TMEM132B: variants seen among roughly 807,000 people sequenced by gnomAD.
TMEM132B encodes transmembrane protein 132B.
TMEM132B carries 18 observed loss-of-function variants against 90.8 expected under a neutral mutation model. The observed-to-expected ratio is 0.20, with a 90% CI of 0.14 to 0.29. TMEM132B has a LOEUF of 0.29. TMEM132B is among the 10% of genes least tolerant of loss of function. TMEM132B has a pLI of 1.00. For synonymous variants in TMEM132B, 504 were observed against 523.3 expected (o/e 0.96, Z 0.50); for missense variants, 1,096 against 1,326.8 (o/e 0.83, Z 2.70).
chr12:125,249,634 G>T (rs1874274663), intron 1 of TMEM132B, among the ~76,000 whole-genome samples: 1 of 152,204 alleles, frequency 6.6e-6, no homozygotes, highest in Admixed American at 6.5e-5. Flanking sequence ...TCTGACAGGG[G>T]TTCTGCATCA....
chr12:125,376,963 G>A (rs1193290645), intron 2 of TMEM132B, among the ~76,000 whole-genome samples: 2 of 152,218 alleles, frequency 1.3e-5, no homozygotes, highest in African/African-American at 2.4e-5. Context: ...CTCCAAGCAC[G>A]CTCTGGGACC....
rs972677032 is a variant in TMEM132B, at chr12:125,655,515, T to C, written c.*805T>C. 1 of 152,244 alleles carries C rather than the reference T, an allele frequency of 6.6e-6. No homozygotes were observed. Among genetic ancestry groups the C allele is most frequent in the African/African-American group, 2.4e-5 (1 of 41,472 alleles). 9.4% of individuals were successfully genotyped at this position (152,244 alleles called of 1,614,324 possible). ...ATATACAGTGAGGGAGGGCCATCTC[T>C]TTACTGTTTTCTATGTGAAGTTTCA... On this transcript the variant is annotated 3_prime_UTR_variant, in exon 9 of 9. Coordinates refer to ENST00000682704, the MANE Select transcript of TMEM132B (RefSeq NM_001366854.1).
intron 3 of TMEM132B, among the ~76,000 whole-genome samples, chr12:125,494,977 C>A (rs1882507302): frequency 7.6e-6 from 1 of 130,774 alleles, no homozygotes; most frequent in African/African-American, 3.0e-5. Context: ...TCCTCCCCCT[C>A]CTCCCTGGAA....
intron 3 of TMEM132B, among the ~76,000 whole-genome samples, chr12:125,493,319 G>T (rs1381442377): frequency 6.6e-6 from 1 of 152,162 alleles, no homozygotes; most frequent in Non-Finnish European, 1.5e-5. Context: ...GCCCCCTTCT[G>T]CCCTCCAGAA....
chr12:125,337,308 C>A lies in TMEM132B; in HGVS notation c.68-12144C>A, dbSNP rs539570488. On this transcript the variant is annotated intron_variant, in intron 1 of 8. Transcript: ENST00000682704. The stretch of plus-strand genomic sequence containing the variant: ...AAATAAACTCCTAGGCGTGGCTTAA[C>A]ACAATAAAAGATTGCTTCCTGCTCA... Among the ~76,000 whole-genome samples the A allele has an allele frequency of 3.9e-5, 6 of 152,220 alleles. No homozygotes were observed. In the East Asian group the frequency reaches 1.2e-3, roughly 29 times the overall value.
intron 3 of TMEM132B, among the ~76,000 whole-genome samples, chr12:125,423,240 A>G (rs2136381058): frequency 6.6e-6 from 1 of 152,368 alleles, no homozygotes; most frequent in African/African-American, 2.4e-5. Flanking sequence ...TTTGAAAGCA[A>G]TGGATTTGAG....
chr12:125,345,247 T>C, intron 1 of TMEM132B, among the ~76,000 whole-genome samples: 1 of 152,170 alleles, frequency 6.6e-6, no homozygotes, highest in East Asian at 1.9e-4. Context: ...CTCAGAAATG[T>C]TGTGGGCCTG....
chr12:125,453,843 G>T (rs1881219648), intron 3 of TMEM132B, among the ~76,000 whole-genome samples: 1 of 152,154 alleles, frequency 6.6e-6, no homozygotes, highest in Non-Finnish European at 1.5e-5. Context: ...CATGCAGGAT[G>T]CTCAGCCTGG....
Position 125,656,414 on chromosome 12 carries a change from C to T in TMEM132B, c.*1704C>T, listed in dbSNP as rs915160974. On this transcript the variant is annotated 3_prime_UTR_variant, in exon 9 of 9. Coordinates refer to ENST00000682704, the MANE Select transcript of TMEM132B (RefSeq NM_001366854.1). ...GGGTGGGAACATGACAACCCCGCCT[C>T]CTCTAGCCATGACGTGGCAGCCAAA... 6.6e-6 allele frequency: 1 copy of T among 152,216 alleles called. No individual in the cohort carries two copies. 9.4% of individuals were successfully genotyped at this position (152,216 alleles called of 1,614,324 possible). A position where few individuals can be genotyped will look rare whatever the true frequency, so the allele number is the denominator to read the frequency against.
chr12:125,202,314 A>G (rs572308435), intron 1 of TMEM132B, among the ~76,000 whole-genome samples: 1 of 152,364 alleles, frequency 6.6e-6, no homozygotes, highest in East Asian at 1.9e-4. Context: ...AAAGCAGCAC[A>G]CATGTGTTAT....
intron 4 of TMEM132B, 106 bp downstream of exon 4, chr12:125,519,731 C>T (rs531557162): frequency 1.7e-6 from 2 of 1,174,324 alleles, no homozygotes; most frequent in South Asian, 1.4e-5. Context: ...ACTGTTTAAA[C>T]AAGGAAAATA....
chr12:125,327,016 C>T (rs1461527939), intron 1 of TMEM132B, among the ~76,000 whole-genome samples: 1 of 152,088 alleles, frequency 6.6e-6, no homozygotes, highest in Non-Finnish European at 1.5e-5. Flanking sequence ...CTGGATGCCC[C>T]CTGAGCCTTC....
intron 6 of TMEM132B, among the ~76,000 whole-genome samples, chr12:125,644,498 C>CA (rs1886711558): frequency 6.6e-6 from 1 of 152,156 alleles, no homozygotes; most frequent in East Asian, 1.9e-4. Flanking sequence ...ATAATAGTAA[C>CA]AACCTCATAG....
intron 4 of TMEM132B, among the ~76,000 whole-genome samples, chr12:125,522,903 C>T (rs922702487): frequency 1.3e-5 from 2 of 152,132 alleles, no homozygotes; most frequent in African/African-American, 4.8e-5. Context: ...TCTATTTTCA[C>T]AGAGCAGGTA....
intron 2 of TMEM132B, among the ~76,000 whole-genome samples, chr12:125,409,236 A>C (rs1359329758): frequency 1.3e-5 from 2 of 152,164 alleles, no homozygotes; most frequent in Non-Finnish European, 2.9e-5. Context: ...ACAAGGGAAG[A>C]GGGACTGAGA....
rs985629982 is a variant in TMEM132B, at chr12:125,369,480, A to AT, written c.959+19144dup. ...TAACTGAAGCCTTGGAAAGGATGAGATTTTTTTCAGTAAAAATCATGAGAA... is the reference window on the plus strand; with the variant it reads ...TAACTGAAGCCTTGGAAAGGATGAGATTTTTTTTCAGTAAAAATCATGAGAA... On this transcript the variant is annotated intron_variant, in intron 2 of 8. Transcript: ENST00000682704. Among the ~76,000 whole-genome samples, 4 of 152,164 alleles carry AT rather than the reference A, an allele frequency of 2.6e-5. No homozygotes were observed. The South Asian group carries it at 6.2e-4, about 24-fold the overall frequency.
intron 3 of TMEM132B, among the ~76,000 whole-genome samples, chr12:125,491,237 A>G (rs1882343078): frequency 6.6e-6 from 1 of 151,630 alleles, no homozygotes; most frequent in Non-Finnish European, 1.5e-5. Context: ...TATTAATATA[A>G]ATATTTTTAA....
chr12:125,260,143 C>T (rs150596768), intron 1 of TMEM132B, among the ~76,000 whole-genome samples: 84 of 152,204 alleles, frequency 5.5e-4, no homozygotes, highest in Middle Eastern at 3.4e-3. Context: ...TACCCAGAGA[C>T]GTATTTTGTT....
At chr12:125,470,655 A>C (rs1881690826) in intron 3 of TMEM132B, among the ~76,000 whole-genome samples, 1 of 152,150 alleles carries the variant, frequency 6.6e-6, no homozygotes, top group South Asian at 2.1e-4. Flanking sequence ...AGAAATAGCA[A>C]AGAAAATTGT....
Sources: gnomAD v4.1 joint callset for allele counts (sites outside exome capture counted in the v4.1 genomes callset) on GRCh38, gnomAD v4.1.1 for gene constraint, MANE v1.5 for transcripts, NCBI Gene and HGNC (gene_info 2026-07-23, HGNC 2026-07-21) for gene names.